Variants in ZCCHC4 observed in about 807,000 individuals in gnomAD.
ZCCHC4 encodes the protein zinc finger CCHC-type containing 4.
ZCCHC4 carries 54 observed loss-of-function variants against 67.7 expected under a neutral mutation model. The ratio of observed to expected loss-of-function variants is 0.80; its 90% CI spans 0.64 to 1.00. The LOEUF (loss-of-function observed/expected upper bound fraction) is 1.00. ZCCHC4 is among the 50% of genes least tolerant of loss of function. The pLI, the probability that ZCCHC4 is intolerant of heterozygous loss-of-function variation, is 0.00. For synonymous variants in ZCCHC4, 198 were observed against 213.5 expected, an observed-to-expected ratio of 0.93 and a Z score of 0.63; for missense variants, 609 against 617.0, an observed-to-expected ratio of 0.99 and a Z score of 0.14.
At chr4:25,351,831 G>T in intron 8 of ZCCHC4, 142 bp downstream of exon 8, 1 of 989,682 alleles carries the variant, frequency 1.0e-6, no homozygotes, top group Non-Finnish European at 1.4e-6. Context: ...TCAGTCCAGT[G>T]TTTTCTAAAT....
At chr4:25,334,215 G>C (rs60217144) in intron 5 of ZCCHC4, among the ~76,000 whole-genome samples, 1 of 152,316 alleles carries the variant, frequency 6.6e-6, no homozygotes, top group East Asian at 1.9e-4. Context: ...GATTTTCTCT[G>C]TGAATGTGGC....
chr4:25,356,159 C>T (rs1188596843), intron 8 of ZCCHC4, among the ~76,000 whole-genome samples: 1 of 152,164 alleles, frequency 6.6e-6, no homozygotes, highest in Non-Finnish European at 1.5e-5. Flanking sequence ...CTATACAGTA[C>T]TTCATCACAT....
chr4:25,331,352 T>A (rs1195409209), intron 3 of ZCCHC4, among the ~76,000 whole-genome samples: 1 of 152,236 alleles, frequency 6.6e-6, no homozygotes, highest in Non-Finnish European at 1.5e-5. Flanking sequence ...TTGCCTAGGC[T>A]GGAGTGTGGT....
In ZCCHC4 at chr4:25,312,872, A is replaced by C. The variant is rs1344159238; in HGVS notation, c.63A>C (p.Gly21=). Residue 21 remains glycine (G), a synonymous_variant, in exon 1 of 13, where the codon GGA becomes GGC. Transcript: ENST00000302874. The part of the protein sequence containing the change: ...VEAEGSAGCR[G]SSGMEVVLPL... The stretch of plus-strand genomic sequence containing the variant: ...CAGAGGGCAGCGCAGGGTGCCGGGG[A>C]AGCTCGGGAATGGAGGTGGTGCTTC... 2 of 1,612,840 alleles carry C rather than the reference A, an allele frequency of 1.2e-6. No individual in the cohort carries two copies. The highest frequency in any genetic ancestry group is 3.3e-5 in the Admixed American group (2 of 60,012).
At position 25,330,747 on chromosome 4, in the gene ZCCHC4, T is replaced by G. The variant is rs116133527; in HGVS notation, c.330-2436T>G. Among the ~76,000 whole-genome samples the G allele has an allele frequency of 4.1e-3, 618 of 152,284 alleles. 1 individual carries two copies. Among genetic ancestry groups the G allele is most frequent in the Non-Finnish European group, 6.7e-3 (459 of 68,028 alleles). On this transcript the variant is annotated intron_variant, in intron 3 of 12. Coordinates refer to ENST00000302874, the MANE Select transcript of ZCCHC4 (RefSeq NM_024936.3). ...GGCAGTGCTCTTCTGAGTACTTGAG[T>G]ACTTGTGTATTGTGAGGCATTTCCA...
In ZCCHC4 at chr4:25,325,241, C is replaced by CAA. The variant is rs11318046; in HGVS notation, c.330-7921_330-7920dup. Among the ~76,000 whole-genome samples, 72 of 74,508 alleles carry CAA rather than the reference C, an allele frequency of 9.7e-4. 1 individual carries two copies. The highest frequency in any genetic ancestry group is 2.7e-3 in the African/African-American group (47 of 17,198). The allele number at this position is 74,508 out of a possible 152,430, so 48.9% of individuals were successfully genotyped here. ...CCTGGGCGACAGGGAGACTCCGTCT[C>CAA]AAAAAAAAAAAAAAAAAAAAAAGAA... On this transcript the variant is annotated intron_variant, in intron 3 of 12. Coordinates refer to ENST00000302874, the MANE Select transcript of ZCCHC4 (RefSeq NM_024936.3).
chr4:25,325,957 T>A (rs1718859484), intron 3 of ZCCHC4, among the ~76,000 whole-genome samples: 1 of 152,196 alleles, frequency 6.6e-6, no homozygotes, highest in Non-Finnish European at 1.5e-5. Context: ...CATTTGTTGA[T>A]AATATTATCC....
At chr4:25,368,530 C>T (rs977976531) in intron 12 of ZCCHC4, among the ~76,000 whole-genome samples, 6 of 152,076 alleles carry the variant, frequency 3.9e-5, no homozygotes, top group Non-Finnish European at 7.4e-5. Context: ...CTTTTAGATC[C>T]GCTGAGGAAA....
chr4:25,338,625 T>A (rs898761896), intron 5 of ZCCHC4, among the ~76,000 whole-genome samples: 6 of 152,202 alleles, frequency 3.9e-5, no homozygotes, highest in Non-Finnish European at 7.3e-5. Context: ...ATTCTAGATA[T>A]TTTTTATATA....
intron 3 of ZCCHC4, among the ~76,000 whole-genome samples, chr4:25,323,728 T>G (rs918581942): frequency 6.6e-6 from 1 of 152,226 alleles, no homozygotes; most frequent in Non-Finnish European, 1.5e-5. Flanking sequence ...CCCCCATCAT[T>G]TTTACCTTTA....
At position 25,312,830 on chromosome 4, in the gene ZCCHC4, G is replaced by T. The variant is rs778033032; in HGVS notation, c.21G>T (p.Gly7=). The T allele has an allele frequency of 1.2e-6, 2 of 1,613,334 alleles. No homozygotes were observed. The highest frequency in any genetic ancestry group is 1.7e-6 in the Non-Finnish European group (2 of 1,180,030). MAASRN[G]FEAVEAEGSA... ...GGAAGATGGCGGCCTCCAGGAATGG[G>T]TTTGAAGCCGTGGAGGCAGAGGGCA... is the stretch of plus-strand genomic sequence containing the variant. Residue 7 remains glycine, a synonymous_variant, in exon 1 of 13, where the codon GGG becomes GGT. Transcript: ENST00000302874.
chr4:25,336,797 T>G (rs1719483495), intron 5 of ZCCHC4, among the ~76,000 whole-genome samples: 1 of 152,212 alleles, frequency 6.6e-6, no homozygotes, highest in African/African-American at 2.4e-5. Context: ...TAGCTGGTGT[T>G]TTTTGAGTGC....
intron 8 of ZCCHC4, among the ~76,000 whole-genome samples, chr4:25,356,967 A>G (rs908029203): frequency 6.6e-6 from 1 of 152,202 alleles, no homozygotes; most frequent in East Asian, 1.9e-4. Flanking sequence ...CACTAAATTC[A>G]TGACCAGCCG....
chr4:25,361,765 T>TATTGG (rs1577353054), intron 8 of ZCCHC4, 94 bp from the exon 9 acceptor site: 4 of 1,264,866 alleles, frequency 3.2e-6, no homozygotes, highest in Non-Finnish European at 3.3e-6. Flanking sequence ...TTAACTCATA[T>TATTGG]ATTGGCATCA....
intron 5 of ZCCHC4, among the ~76,000 whole-genome samples, chr4:25,338,579 G>C (rs192695596): frequency 7.9e-5 from 12 of 152,238 alleles, no homozygotes; most frequent in African/African-American, 2.6e-4. Flanking sequence ...TGACAACCAT[G>C]AATCTACTTT....
At chr4:25,357,511 A>G (rs186300544) in intron 8 of ZCCHC4, among the ~76,000 whole-genome samples, 2 of 152,258 alleles carry the variant, frequency 1.3e-5, no homozygotes, top group Admixed American at 6.5e-5. Flanking sequence ...GGGTCTCCTC[A>G]TCCTGTGCTA....
chr4:25,350,254 C>T (rs371554571), intron 7 of ZCCHC4, among the ~76,000 whole-genome samples: 7 of 84,896 alleles, frequency 8.2e-5, no homozygotes, highest in Admixed American at 1.5e-4. Context: ...GGTACTGCTT[C>T]TTTTTTTTTT....
chr4:25,337,400 C>T (rs192332596), intron 5 of ZCCHC4, among the ~76,000 whole-genome samples: 6 of 152,274 alleles, frequency 3.9e-5, no homozygotes, highest in Admixed American at 2.0e-4. Flanking sequence ...CTGCCAGGGA[C>T]GTTGGTGGCA....
chr4:25,343,507 T>C (rs928034153), intron 5 of ZCCHC4, among the ~76,000 whole-genome samples: 12 of 152,260 alleles, frequency 7.9e-5, no homozygotes, highest in Non-Finnish European at 1.5e-4. Flanking sequence ...TTTTAGTATA[T>C]GCTATGTAGC....
Sources: gnomAD v4.1 joint callset for allele counts (sites outside exome capture counted in the v4.1 genomes callset) on GRCh38, gnomAD v4.1.1 for gene constraint, MANE v1.5 for transcripts, NCBI Gene and HGNC (gene_info 2026-07-23, HGNC 2026-07-21) for gene names.